GRIN2B: variants seen among roughly 807,000 people sequenced by gnomAD.
The protein encoded by GRIN2B is glutamate receptor ionotropic, NMDA 2B.
In GRIN2B, 5 loss-of-function variants were observed where a neutral mutation model predicts 114.5. The observed-to-expected ratio is 0.04, with a 90% CI of 0.02 to 0.09. The LOEUF (loss-of-function observed/expected upper bound fraction) is 0.09. GRIN2B is among the 10% of genes least tolerant of loss of function. GRIN2B has a pLI of 1.00. For missense variants in GRIN2B, 1,108 were observed against 1,943.5 expected, an observed-to-expected ratio of 0.57 and a Z score of 8.08; for synonymous variants, 787 against 745.1, an observed-to-expected ratio of 1.06 and a Z score of -0.92.
intron 3 of GRIN2B, among the ~76,000 whole-genome samples, chr12:13,818,550 C>G (rs903612841): frequency 2.6e-5 from 4 of 152,136 alleles, no homozygotes; most frequent in Non-Finnish European, 4.4e-5. Flanking sequence ...ATTGAGAAGC[C>G]AAAGCTCCAA....
chr12:13,892,464 G>T (rs556480004), intron 2 of GRIN2B, among the ~76,000 whole-genome samples: 12 of 152,250 alleles, frequency 7.9e-5, no homozygotes, highest in African/African-American at 2.4e-4. Flanking sequence ...TCCCTATGCT[G>T]GGAGTGGAAT....
At chr12:13,885,935 T>TCCCA (rs1446600104) in intron 2 of GRIN2B, among the ~76,000 whole-genome samples, 1 of 152,140 alleles carries the variant, frequency 6.6e-6, no homozygotes, top group Non-Finnish European at 1.5e-5. Flanking sequence ...TTAGGCCTGA[T>TCCCA]CCCAGGCCAG....
intron 3 of GRIN2B, among the ~76,000 whole-genome samples, chr12:13,771,992 T>G (rs1428733432): frequency 6.6e-6 from 1 of 152,242 alleles, no homozygotes; most frequent in African/African-American, 2.4e-5. Flanking sequence ...TTCCCATGAC[T>G]TTAGGTCATT....
chr12:13,955,893 C>T (rs952815513), intron 2 of GRIN2B, among the ~76,000 whole-genome samples: 10 of 152,104 alleles, frequency 6.6e-5, no homozygotes, highest in African/African-American at 2.4e-4. Flanking sequence ...CCAGGGGGCC[C>T]CAGCTGCATG....
intron 2 of GRIN2B, among the ~76,000 whole-genome samples, chr12:13,883,095 T>A (rs184346076): frequency 6.6e-6 from 1 of 152,346 alleles, no homozygotes; most frequent in East Asian, 1.9e-4. Flanking sequence ...AACTTCATCC[T>A]TTTTATTGCT....
At chr12:13,930,432 A>G (rs1040011510) in intron 2 of GRIN2B, among the ~76,000 whole-genome samples, 3 of 152,230 alleles carry the variant, frequency 2.0e-5, no homozygotes, top group Admixed American at 6.5e-5. Context: ...AGGGGAATGC[A>G]TCTTAGAAGG....
chr12:13,648,507 C>T (rs1327746344), intron 5 of GRIN2B, among the ~76,000 whole-genome samples: 1 of 152,086 alleles, frequency 6.6e-6, no homozygotes, highest in African/African-American at 2.4e-5. Flanking sequence ...GTGTGAAAAG[C>T]TTAAGGGGCA....
chr12:13,593,138 T>C (rs964314386), intron 10 of GRIN2B, among the ~76,000 whole-genome samples: 22 of 152,194 alleles, frequency 1.4e-4, no homozygotes, highest in African/African-American at 4.8e-4. Context: ...AATTTATACA[T>C]TCAGTGCTAT....
chr12:13,582,392 A>G (rs1948864816), intron 10 of GRIN2B, among the ~76,000 whole-genome samples: 2 of 152,202 alleles, frequency 1.3e-5, no homozygotes, highest in Non-Finnish European at 2.9e-5. Context: ...GCCCAAATTA[A>G]CTCTGTTCTC....
chr12:13,630,670 A>T (rs139918305), intron 5 of GRIN2B, among the ~76,000 whole-genome samples: 7 of 152,288 alleles, frequency 4.6e-5, no homozygotes, highest in Admixed American at 3.9e-4. Flanking sequence ...CAGCCTTGGT[A>T]GACTCATCAG....
chr12:13,860,255 C>T (rs985915213), intron 3 of GRIN2B, among the ~76,000 whole-genome samples: 1 of 152,174 alleles, frequency 6.6e-6, no homozygotes, highest in Non-Finnish European at 1.5e-5. Context: ...AATTAGATTC[C>T]AAAATGTGGC....
rs1300355417 is a variant in GRIN2B, at chr12:13,871,351, G to A, written c.-18-5125C>T. ...ATTAAATTAAAAGTACTTTTTAAAGGTACTAAAAATACTACATATCCAAAA... is the reference window on the plus strand; with the variant it reads ...ATTAAATTAAAAGTACTTTTTAAAGATACTAAAAATACTACATATCCAAAA... On this transcript the variant is annotated intron_variant, in intron 2 of 13. Transcript: ENST00000609686. 2.2e-4 allele frequency among the ~76,000 whole-genome samples: 33 copies of A among 149,718 alleles called. No individual in the cohort carries two copies. The East Asian group carries it at 6.1e-3, about 28-fold the overall frequency.
chr12:13,951,579 G>GT (rs1591637917), intron 2 of GRIN2B, among the ~76,000 whole-genome samples: 1 of 152,190 alleles, frequency 6.6e-6, no homozygotes, highest in East Asian at 1.9e-4. Context: ...TGGTAGAGCT[G>GT]TATAATTGCA....
At chr12:13,741,561 G>A (rs983471339) in intron 4 of GRIN2B, among the ~76,000 whole-genome samples, 12 of 152,052 alleles carry the variant, frequency 7.9e-5, no homozygotes, top group African/African-American at 9.6e-5. Context: ...TGTTGCTTTC[G>A]TTTTATTTTT....
At chr12:13,893,797 CA>C (rs1866308390) in intron 2 of GRIN2B, among the ~76,000 whole-genome samples, 1 of 150,852 alleles carries the variant, frequency 6.6e-6, no homozygotes, top group African/African-American at 2.4e-5. Flanking sequence ...CAAGAATGAG[CA>C]AAAAAGGGAA....
At chr12:13,680,838 A>G (rs1392628346) in intron 4 of GRIN2B, among the ~76,000 whole-genome samples, 3 of 152,078 alleles carry the variant, frequency 2.0e-5, no homozygotes, top group Non-Finnish European at 4.4e-5. Flanking sequence ...ATAGATCCCT[A>G]ATACAGACTG....
chr12:13,718,671 C>T (rs1470291395), intron 4 of GRIN2B, among the ~76,000 whole-genome samples: 1 of 151,992 alleles, frequency 6.6e-6, no homozygotes, highest in Non-Finnish European at 1.5e-5. Context: ...GATCTGGAAG[C>T]CCTCTAGACA....
At chr12:13,686,600 C>G (rs984908254) in intron 4 of GRIN2B, among the ~76,000 whole-genome samples, 2 of 151,994 alleles carry the variant, frequency 1.3e-5, no homozygotes, top group Non-Finnish European at 2.9e-5. Context: ...TTTTTCAACC[C>G]CTATGAAAAA....
intron 5 of GRIN2B, among the ~76,000 whole-genome samples, chr12:13,639,109 C>A (rs985134514): frequency 6.6e-6 from 1 of 152,114 alleles, no homozygotes; most frequent in Non-Finnish European, 1.5e-5. Flanking sequence ...GGTCATTGGG[C>A]TAATGAGTTG....
Sources: allele counts gnomAD v4.1 joint callset (sites outside exome capture counted in the v4.1 genomes callset), GRCh38; gene constraint gnomAD v4.1.1; transcripts MANE v1.5; gene names NCBI Gene and HGNC (gene_info 2026-07-23, HGNC 2026-07-21).